PTPRN2: variants seen among roughly 807,000 people sequenced by gnomAD.
PTPRN2 encodes the protein receptor-type tyrosine-protein phosphatase N2.
PTPRN2 carries 74 observed loss-of-function variants against 118.8 expected under a neutral mutation model. That is an observed-to-expected ratio of 0.62 (90% confidence interval 0.52 to 0.76). PTPRN2 has a LOEUF of 0.76. Ranked by LOEUF, PTPRN2 falls within the 30% of genes least tolerant of loss-of-function variation. The pLI is 0.00. For synonymous variants in PTPRN2, 641 were observed against 608.0 expected (o/e 1.05, Z -0.80); for missense variants, 1,481 against 1,394.4 (o/e 1.06, Z -0.99).
chr7:157,968,974 T>C (rs1413844293), intron 11 of PTPRN2, among the ~76,000 whole-genome samples: 1 of 152,218 alleles, frequency 6.6e-6, no homozygotes, highest in Non-Finnish European at 1.5e-5. Context: ...AGAGACCTCC[T>C]TGTCCAGGTA....
intron 10 of PTPRN2, 98 bp from the exon 11 acceptor site, chr7:158,081,475 G>A (rs540658853): frequency 2.9e-5 from 35 of 1,205,386 alleles, no homozygotes; most frequent in African/African-American, 2.1e-4. Flanking sequence ...TTTTAAAAAC[G>A]CAAACATCCA....
chr7:158,200,629 A>G (rs1826569974), intron 4 of PTPRN2, among the ~76,000 whole-genome samples: 1 of 152,224 alleles, frequency 6.6e-6, no homozygotes, highest in African/African-American at 2.4e-5. Flanking sequence ...TGAAGCGCCA[A>G]TTGAAGATTA....
intron 22 of PTPRN2, among the ~76,000 whole-genome samples, chr7:157,541,151 C>A (rs1281179996): frequency 1.3e-5 from 2 of 152,246 alleles, no homozygotes; most frequent in African/African-American, 4.8e-5. Flanking sequence ...TTCCTCCTCA[C>A]AGCCACCCGC....
At position 157,690,372 on chromosome 7, in the gene PTPRN2, C is replaced by G. The variant is rs1744850585; in HGVS notation, c.1789-7435G>C. On this transcript the variant is annotated intron_variant, in intron 12 of 22. Coordinates refer to ENST00000389418, the MANE Select transcript of PTPRN2 (RefSeq NM_002847.5). The surrounding 1 kb of genome is among the most constrained non-coding windows in gnomAD (Gnocchi z 7.1). ...CGACGCCCTAGTTGCCCGTTAGAGC[C>G]CCCATGCGCGCCCTCCAGCCTTCGA... Among the ~76,000 whole-genome samples the G allele has an allele frequency of 6.6e-6, 1 of 152,324 alleles. No individual in the cohort carries two copies. The highest frequency in any genetic ancestry group is 1.5e-5 in the Non-Finnish European group (1 of 68,016).
At chr7:157,721,575 C>T (rs1799235921) in intron 12 of PTPRN2, among the ~76,000 whole-genome samples, 1 of 152,214 alleles carries the variant, frequency 6.6e-6, no homozygotes, top group African/African-American at 2.4e-5. Flanking sequence ...TCTGTTCCCA[C>T]CGATGCCCAG....
chr7:157,595,539 G>T (rs1161243709), intron 16 of PTPRN2, among the ~76,000 whole-genome samples: 1 of 109,316 alleles, frequency 9.1e-6, no homozygotes, highest in Non-Finnish European at 1.9e-5. Flanking sequence ...AGGTTAGGAA[G>T]CCAGGAGGTT....
chr7:157,877,231 AC>A (rs1795829395), intron 12 of PTPRN2, among the ~76,000 whole-genome samples: 1 of 134,640 alleles, frequency 7.4e-6, no homozygotes, highest in African/African-American at 2.9e-5. Context: ...TTTCTCGGGG[AC>A]CCCGGGTCCG....
chr7:157,841,348 T>A (rs999812301), intron 12 of PTPRN2, among the ~76,000 whole-genome samples: 1 of 152,226 alleles, frequency 6.6e-6, no homozygotes, highest in Admixed American at 6.5e-5. Context: ...GAGCCCCACA[T>A]GGTGGGAAGC....
At chr7:157,841,624 C>T (rs1055187511) in intron 12 of PTPRN2, among the ~76,000 whole-genome samples, 6 of 152,184 alleles carry the variant, frequency 3.9e-5, no homozygotes, top group East Asian at 1.9e-4. Flanking sequence ...GCCCCCACCA[C>T]GGGGCCTTTG....
chr7:158,018,955 T>C (rs1806642930), intron 11 of PTPRN2, among the ~76,000 whole-genome samples: 1 of 139,482 alleles, frequency 7.2e-6, no homozygotes, highest in Admixed American at 7.3e-5. Flanking sequence ...AGGGAGACTT[T>C]GTTTCAAAAA....
rs999143984 is a variant in PTPRN2 at position 157,611,087 on chromosome 7, C to T, written c.2345-7012G>A. Among the ~76,000 whole-genome samples the T allele has an allele frequency of 6.6e-5, 10 of 152,200 alleles. No individual in the cohort carries two copies. The highest frequency in any genetic ancestry group is 1.3e-4 in the Admixed American group (2 of 15,278). ...CACCGCTGAGCTGAATAACCGAGCGCGAGGCTGGTGTCCGGCTTCCACACT... is the reference window on the plus strand; with the variant it reads ...CACCGCTGAGCTGAATAACCGAGCGTGAGGCTGGTGTCCGGCTTCCACACT... On this transcript the variant is annotated intron_variant, in intron 15 of 22. Coordinates refer to ENST00000389418, the MANE Select transcript of PTPRN2 (RefSeq NM_002847.5). The surrounding 1 kb of genome is among the most constrained non-coding windows in gnomAD (Gnocchi z 5.9).
chr7:157,638,848 A>C (rs898832477), intron 14 of PTPRN2, among the ~76,000 whole-genome samples: 1 of 152,176 alleles, frequency 6.6e-6, no homozygotes, highest in Non-Finnish European at 1.5e-5. Context: ...ATTAGCCGTC[A>C]GGGCCCACTC....
chr7:157,895,939 G>C (rs1010402739), intron 12 of PTPRN2, among the ~76,000 whole-genome samples: 3 of 152,130 alleles, frequency 2.0e-5, no homozygotes, highest in African/African-American at 7.2e-5. Flanking sequence ...GACTGCAGGA[G>C]GCCCGCGTGA....
At chr7:158,291,392 G>A (rs1709797207) in intron 3 of PTPRN2, among the ~76,000 whole-genome samples, 2 of 152,190 alleles carry the variant, frequency 1.3e-5, no homozygotes, top group Admixed American at 1.3e-4. Context: ...ATAGGGATAT[G>A]AGGATATCAT....
chr7:157,907,618 T>C (rs1797852816), intron 11 of PTPRN2, among the ~76,000 whole-genome samples: 1 of 113,308 alleles, frequency 8.8e-6, no homozygotes, highest in Non-Finnish European at 1.8e-5. Context: ...GCATGTGGGG[T>C]GTCCTGGGGG....
At chr7:158,054,267 T>A (rs1299938563) in intron 11 of PTPRN2, among the ~76,000 whole-genome samples, 1 of 152,194 alleles carries the variant, frequency 6.6e-6, no homozygotes, top group East Asian at 1.9e-4. Context: ...AATTTTCCCA[T>A]GCGTGGGCCG....
intron 3 of PTPRN2, among the ~76,000 whole-genome samples, chr7:158,241,625 A>G (rs1795909233): frequency 6.6e-6 from 1 of 152,218 alleles, no homozygotes; most frequent in Non-Finnish European, 1.5e-5. Context: ...TTCAGCTCTG[A>G]AGACATTGTT....
chr7:158,543,150 C>A lies in PTPRN2; in HGVS notation c.112+44408G>T, dbSNP rs74571869. Among the ~76,000 whole-genome samples the A allele has an allele frequency of 1.6e-3, 250 of 152,348 alleles. 8 individuals are homozygous for A. The East Asian group carries it at 0.031, about 19-fold the overall frequency. On this transcript the variant is annotated intron_variant, in intron 1 of 22. Coordinates refer to ENST00000389418, the MANE Select transcript of PTPRN2 (RefSeq NM_002847.5). The stretch of plus-strand genomic sequence containing the variant: ...AAAGGCTGCTCTTGTTCAGTCCATT[C>A]GCTTTTCAAACAACAAAACTGAGGC...
At chr7:157,771,377 C>G (rs924211313) in intron 12 of PTPRN2, among the ~76,000 whole-genome samples, 1 of 152,234 alleles carries the variant, frequency 6.6e-6, no homozygotes, top group Non-Finnish European at 1.5e-5. Context: ...ACCTGCCCCC[C>G]CATTCCCTGT....
Sources: allele counts gnomAD v4.1 joint callset (sites outside exome capture counted in the v4.1 genomes callset), GRCh38; gene constraint gnomAD v4.1.1; non-coding constraint Gnocchi (gnomAD v3.1); transcripts MANE v1.5; gene names NCBI Gene and HGNC (gene_info 2026-07-23, HGNC 2026-07-21).